The following DPYS variants were observed in gnomAD, a reference collection of about 807,000 sequenced individuals.
DPYS encodes the protein dihydropyrimidine amidohydrolase.
DPYS carries 39 observed loss-of-function variants against 50.3 expected under a neutral mutation model. The ratio of observed to expected loss-of-function variants is 0.78; its 90% CI spans 0.60 to 1.01. The LOEUF is 1.01. Among genes scored for constraint, DPYS ranks in the 50% least tolerant of loss-of-function variants. The pLI, the probability that DPYS is intolerant of heterozygous loss-of-function variation, is 0.00. For missense variants in DPYS, 659 were observed against 680.9 expected, an observed-to-expected ratio of 0.97 and a Z score of 0.36; for synonymous variants, 245 against 250.7, an observed-to-expected ratio of 0.98 and a Z score of 0.22.
intron 7 of DPYS, among the ~76,000 whole-genome samples, chr8:104,394,728 G>C (rs58648573): frequency 0.15 from 22,913 of 150,382 alleles, 2,023 homozygotes; most frequent in East Asian, 0.37. Flanking sequence ...TTACCTAAGA[G>C]CCAAATAGCT....
At chr8:104,420,265 G>T (rs528915608) in intron 7 of DPYS, 1 of 152,130 alleles carries the variant, frequency 6.6e-6, no homozygotes, top group Admixed American at 6.5e-5. Context: ...CTTCAGAAAG[G>T]TCCTAGTTGA....
chr8:104,393,795 C>A (rs953572792), intron 7 of DPYS, among the ~76,000 whole-genome samples: 11 of 152,046 alleles, frequency 7.2e-5, no homozygotes, highest in African/African-American at 2.7e-4. Context: ...AATCTGAGTC[C>A]TTTTTTTCTT....
chr8:104,433,578 G>A (rs369839601), intron 4 of DPYS, among the ~76,000 whole-genome samples: 5 of 152,064 alleles, frequency 3.3e-5, no homozygotes, highest in Admixed American at 3.3e-4. Flanking sequence ...AGGGTGCAGT[G>A]AGCCAAGGTC....
chr8:104,420,932 C>T (rs894523317), intron 7 of DPYS: 1 of 152,194 alleles, frequency 6.6e-6, no homozygotes, highest in Non-Finnish European at 1.5e-5. Context: ...CTTTGTGTAA[C>T]ACGTTCTTAG....
chr8:104,422,207 T>C (rs757380107), intron 7 of DPYS, among the ~76,000 whole-genome samples: 1 of 152,336 alleles, frequency 6.6e-6, no homozygotes, highest in Middle Eastern at 3.4e-3. Flanking sequence ...TTATTAAGAA[T>C]TAGACTGAAG....
intron 7 of DPYS, among the ~76,000 whole-genome samples, chr8:104,410,836 A>G (rs1812149312): frequency 6.6e-6 from 1 of 151,892 alleles, no homozygotes; most frequent in African/African-American, 2.4e-5. Flanking sequence ...TTATTATCCC[A>G]CGACTGTATC....
At chr8:104,427,903 T>C in intron 6 of DPYS, 77 bp downstream of exon 6, 2 of 1,608,978 alleles carry the variant, frequency 1.2e-6, no homozygotes, top group Non-Finnish European at 1.7e-6. Flanking sequence ...TGAAAATTTG[T>C]GCCACTCTGG....
At chr8:104,423,157 A>C (rs1426681579) in intron 7 of DPYS, among the ~76,000 whole-genome samples, 1 of 152,136 alleles carries the variant, frequency 6.6e-6, no homozygotes, top group Non-Finnish European at 1.5e-5. Context: ...TGTGTATACC[A>C]CCCTTTATGG....
Position 104,466,683 on chromosome 8 carries a change from T to C in DPYS, c.238A>G (p.Ile80Val). 6.6e-7 allele frequency: 1 copy of C among 1,526,078 alleles called. No individual in the cohort carries two copies. Among genetic ancestry groups the C allele is most frequent in the Non-Finnish European group, 8.8e-7 (1 of 1,140,392 alleles). 94.5% of individuals were successfully genotyped at this position (1,526,078 alleles called of 1,614,324 possible). ...MQFPFMGSRS[I>V]DDFHQGTKAA... Reference sequence around the variant, plus strand: ...TTGGTGCCCTGGTGGAAGTCGTCGATGGACCGCGAGCCCATGAAGGGGAAC... The same window carrying C: ...TTGGTGCCCTGGTGGAAGTCGTCGACGGACCGCGAGCCCATGAAGGGGAAC... The change falls in exon 1 of 10, where the codon ATC (isoleucine) becomes GTC (valine). Residue 80 changes from isoleucine to valine, a missense_variant. Ile to Val is a conservative substitution (Grantham distance 29, BLOSUM62 3). Coordinates refer to ENST00000351513, the MANE Select transcript of DPYS (RefSeq NM_001385.3).
At chr8:104,457,042 T>A (rs1367420099) in intron 1 of DPYS, among the ~76,000 whole-genome samples, 1 of 152,234 alleles carries the variant, frequency 6.6e-6, no homozygotes, top group Non-Finnish European at 1.5e-5. Flanking sequence ...ACCCTACATA[T>A]GCTATGTTTT....
At chr8:104,453,301 A>G (rs1188739687) in intron 1 of DPYS, among the ~76,000 whole-genome samples, 1 of 152,162 alleles carries the variant, frequency 6.6e-6, no homozygotes, top group Non-Finnish European at 1.5e-5. Flanking sequence ...ATCCCTATTG[A>G]TGTAATGAAA....
intron 7 of DPYS, among the ~76,000 whole-genome samples, chr8:104,409,440 G>A (rs13270458): frequency 0.2 from 30,507 of 151,860 alleles, 3,830 homozygotes; most frequent in Non-Finnish European, 0.27. Flanking sequence ...AGCCAAGATC[G>A]TGCCACTGTA....
At chr8:104,439,194 T>G (rs138585389) in intron 4 of DPYS, among the ~76,000 whole-genome samples, 129 of 152,330 alleles carry the variant, frequency 8.5e-4, no homozygotes, top group African/African-American at 3.0e-3. Flanking sequence ...GTCATTCATT[T>G]TTCATAGTTG....
intron 7 of DPYS, among the ~76,000 whole-genome samples, chr8:104,412,981 G>A (rs1299544056): frequency 6.6e-6 from 1 of 152,178 alleles, no homozygotes; most frequent in Non-Finnish European, 1.5e-5. Context: ...TCTGCATTTA[G>A]TTGCAAAGGC....
chr8:104,415,182 A>C (rs1375152074), intron 7 of DPYS, among the ~76,000 whole-genome samples: 5 of 152,222 alleles, frequency 3.3e-5, no homozygotes, highest in Admixed American at 2.6e-4. Context: ...TGTAAATAAT[A>C]CAAGCAAATG....
intron 7 of DPYS, among the ~76,000 whole-genome samples, chr8:104,423,519 T>C (rs1303747806): frequency 6.6e-6 from 1 of 152,204 alleles, no homozygotes; most frequent in Non-Finnish European, 1.5e-5. Flanking sequence ...AACAAATGCC[T>C]GTACGAGGAG....
intron 7 of DPYS, among the ~76,000 whole-genome samples, chr8:104,396,099 G>T (rs1166380543): frequency 6.6e-6 from 1 of 152,166 alleles, no homozygotes; most frequent in East Asian, 1.9e-4. Flanking sequence ...AGAAAATAAA[G>T]CTAGGAAACA....
intron 4 of DPYS, among the ~76,000 whole-genome samples, chr8:104,431,279 G>T (rs1812947382): frequency 1.3e-5 from 2 of 152,056 alleles, no homozygotes; most frequent in Admixed American, 6.6e-5. Context: ...AATTAAAAGT[G>T]TCAGCATCTA....
intron 8 of DPYS, among the ~76,000 whole-genome samples, chr8:104,384,911 GCCTTCT>G (rs1225708757): frequency 1.3e-5 from 2 of 152,204 alleles, no homozygotes; most frequent in Non-Finnish European, 2.9e-5. Flanking sequence ...TCACTGGTCA[GCCTTCT>G]CAGACTCCAC....
Sources: gnomAD v4.1 joint callset for allele counts (sites outside exome capture counted in the v4.1 genomes callset) on GRCh38, gnomAD v4.1.1 for gene constraint, MANE v1.5 for transcripts, NCBI Gene and HGNC (gene_info 2026-07-23, HGNC 2026-07-21) for gene names.